Variants in LYZL2 observed in about 807,000 individuals in gnomAD.
The protein encoded by LYZL2 is lysozyme-like protein 2.
A neutral mutation model predicts 17.1 loss-of-function variants in LYZL2; 13 were observed. The observed-to-expected ratio is 0.76, with a 90% confidence interval of 0.49 to 1.21. LYZL2 has a LOEUF of 1.21. Ranked by LOEUF, LYZL2 falls within the 50% of genes most tolerant of loss-of-function variation. The pLI, the probability that LYZL2 is intolerant of heterozygous loss-of-function variation, is 0.00. For synonymous variants in LYZL2, 63 were observed against 74.4 expected, an observed-to-expected ratio of 0.85 and a Z score of 0.79; for missense variants, 166 against 189.2, an observed-to-expected ratio of 0.88 and a Z score of 0.72.
chr10:30,610,257 T>G (rs1232478760), downstream of LYZL2, among the ~76,000 whole-genome samples: 1 of 152,194 alleles, frequency 6.6e-6, no homozygotes, highest in Non-Finnish European at 1.5e-5. Flanking sequence ...CATGGGGAAC[T>G]CTCTGGATGT....
chr10:30,626,117 C>T lies in LYZL2; in HGVS notation c.286G>A (p.Val96Ile), dbSNP rs758022641. The change falls in exon 3 of 5, where the codon GTC (valine) becomes ATC (isoleucine). Residue 96 changes from valine (V) to isoleucine (I), a missense_variant. Coordinates refer to ENST00000647634, the MANE Select transcript of LYZL2 (RefSeq NM_183058.3). ...GKLKENNHCH[V>I]ACSALVTDDL... ...GTCAGAGCCTCACCTGAGCAGGCGA[C>T]GTGGCAGTGGTTGTTCTCCTTCAGC... The T allele has an allele frequency of 9.9e-6, 16 of 1,614,016 alleles. No individual in the cohort carries two copies. The highest frequency in any genetic ancestry group is 2.2e-5 in the South Asian group (2 of 91,060).
downstream of LYZL2, among the ~76,000 whole-genome samples, chr10:30,606,797 C>T (rs929654517): frequency 5.9e-5 from 9 of 152,048 alleles, no homozygotes; most frequent in Non-Finnish European, 5.9e-5. Flanking sequence ...CCTGGAGCTA[C>T]AGTAAGGGCA....
chr10:30,622,369 AC>A (rs1838636530), intron 3 of LYZL2, among the ~76,000 whole-genome samples: 2 of 151,522 alleles, frequency 1.3e-5, no homozygotes, highest in African/African-American at 4.9e-5. Flanking sequence ...ACACAGTGAA[AC>A]CCCATCTCTA....
intron 3 of LYZL2, among the ~76,000 whole-genome samples, chr10:30,613,883 T>G (rs1489191969): frequency 6.6e-6 from 1 of 151,972 alleles, no homozygotes; most frequent in East Asian, 1.9e-4. Context: ...GCCTGACCAT[T>G]TTTTATTTTT....
downstream of LYZL2, among the ~76,000 whole-genome samples, chr10:30,611,579 G>GAA (rs773500925): frequency 1.8e-4 from 19 of 108,430 alleles, 1 homozygote; most frequent in African/African-American, 7.0e-4. Context: ...AGGAAAGAAA[G>GAA]AAAGAAAGAA....
At chr10:30,606,351 C>CTT in the LYZL2 span, among the ~76,000 whole-genome samples, 3,678 of 131,806 alleles carry the variant, frequency 0.028, 175 homozygotes, top group African/African-American at 0.088. Flanking sequence ...ATAATAATTA[C>CTT]TTTTTTTTTT....
At chr10:30,616,069 A>G (rs559780756) in intron 3 of LYZL2, among the ~76,000 whole-genome samples, 15 of 152,376 alleles carry the variant, frequency 9.8e-5, no homozygotes, top group Admixed American at 8.5e-4. Flanking sequence ...TTGCATTTCA[A>G]TAAGGCATTG....
At chr10:30,623,711 C>A (rs1838659700) in intron 3 of LYZL2, among the ~76,000 whole-genome samples, 1 of 152,186 alleles carries the variant, frequency 6.6e-6, no homozygotes, top group African/African-American at 2.4e-5. Context: ...AAGCCCAGGA[C>A]TCCCACTGAT....
chr10:30,618,454 C>T (rs1390953095), intron 3 of LYZL2, among the ~76,000 whole-genome samples: 3 of 152,190 alleles, frequency 2.0e-5, no homozygotes, highest in African/African-American at 7.2e-5. Flanking sequence ...ACCAAAACAG[C>T]ATGGTACTGG....
chr10:30,611,591 G>GAA (rs1490891030), downstream of LYZL2, among the ~76,000 whole-genome samples: 1 of 116,068 alleles, frequency 8.6e-6, no homozygotes, highest in African/African-American at 3.7e-5. Context: ...AAGAAAGAAA[G>GAA]AAAGAAAGAA....
intron 3 of LYZL2, among the ~76,000 whole-genome samples, chr10:30,619,069 T>C (rs1423281974): frequency 6.6e-6 from 1 of 152,098 alleles, no homozygotes; most frequent in East Asian, 1.9e-4. Flanking sequence ...AACAGACACA[T>C]GAAAAAATGC....
In LYZL2 at chr10:30,626,815, G is replaced by T; in HGVS notation, c.101C>A (p.Ala34Asp). ...GAAGCCCCAGTAATTGTCCAGGCCAGCCCTCGAGAATATTTTTGCCAGTTT... is the reference window on the plus strand; with the variant it reads ...GAAGCCCCAGTAATTGTCCAGGCCATCCCTCGAGAATATTTTTGCCAGTTT... ...RCKLAKIFSR[A>D]GLDNYWGFSL... The change falls in exon 2 of 5, where the codon GCT (alanine) becomes GAT (aspartate). Residue 34 changes from alanine to aspartate, a missense_variant. Physicochemically the swap from Ala to Asp is moderately radical, Grantham distance 126 (BLOSUM62 -2). Coordinates refer to ENST00000647634, the MANE Select transcript of LYZL2 (RefSeq NM_183058.3). The T allele has an allele frequency of 1.2e-6, 2 of 1,614,244 alleles. No homozygotes were observed. Among genetic ancestry groups the T allele is most frequent in the East Asian group, 4.5e-5 (2 of 44,892 alleles).
At position 30,626,755 on chromosome 10, in the gene LYZL2, A is replaced by G. The variant is rs753712275; in HGVS notation, c.139+22T>C. ...GGGGAAAGGTCAAGGACAGAAAGAG[A>G]GCAGGAAAGAAATAATCTCACAGTT... is the stretch of plus-strand genomic sequence containing the variant. On this transcript the variant is annotated intron_variant, in intron 2 of 4. Coordinates refer to ENST00000647634, the MANE Select transcript of LYZL2 (RefSeq NM_183058.3). 31 of 1,614,124 alleles carry G rather than the reference A, an allele frequency of 1.9e-5. 1 individual carries two copies. The South Asian group carries it at 3.1e-4, about 16-fold the overall frequency.
rs1222336745 is a variant in LYZL2 at position 30,617,629 on chromosome 10, C to G, written c.299-4729G>C. ...GGCGGAGGTTGCAGTGAGCCGAGAT[C>G]GTGCCACTGCACTTCAGCCTGGGTG... On this transcript the variant is annotated intron_variant, in intron 3 of 4. Coordinates refer to ENST00000647634, the MANE Select transcript of LYZL2 (RefSeq NM_183058.3). Among the ~76,000 whole-genome samples, 8 of 118,124 alleles carry G rather than the reference C, an allele frequency of 6.8e-5. No individual in the cohort carries two copies. In the Admixed American group the frequency reaches 9.4e-4, roughly 14 times the overall value. 77.5% of individuals were successfully genotyped at this position (118,124 alleles called of 152,430 possible).
downstream of LYZL2, chr10:30,611,702 A>AAAAGAAAG (rs374528139): frequency 2.4e-3 from 943 of 391,796 alleles, 25 homozygotes; most frequent in African/African-American, 3.0e-3. Context: ...GAAAGAAAGA[A>AAAAGAAAG]AAAGAAAGAA....
intron 3 of LYZL2, among the ~76,000 whole-genome samples, chr10:30,624,845 G>T (rs939948751): frequency 7.9e-5 from 12 of 152,196 alleles, no homozygotes; most frequent in African/African-American, 2.9e-4. Flanking sequence ...TAGAAGCAGA[G>T]AATCTTGCCC....
chr10:30,621,002 G>A (rs1006164041), intron 3 of LYZL2, among the ~76,000 whole-genome samples: 6 of 152,160 alleles, frequency 3.9e-5, no homozygotes, highest in African/African-American at 9.7e-5. Context: ...CATACATGCC[G>A]TTAGAATTCT....
At chr10:30,620,015 T>G (rs528058983) in intron 3 of LYZL2, among the ~76,000 whole-genome samples, 2 of 152,304 alleles carry the variant, frequency 1.3e-5, no homozygotes, top group East Asian at 3.9e-4. Context: ...TTTTTGTGTT[T>G]GTATTTATCG....
At chr10:30,611,746 A>G (rs1838448253), downstream of LYZL2, 1 of 632,288 alleles carries the variant, frequency 1.6e-6, no homozygotes, top group African/African-American at 2.0e-5. Context: ...GGAAAGAAAG[A>G]AAGAAAGGAA....
Sources: allele counts gnomAD v4.1 joint callset (sites outside exome capture counted in the v4.1 genomes callset), GRCh38; gene constraint gnomAD v4.1.1; transcripts MANE v1.5; gene names NCBI Gene and HGNC (gene_info 2026-07-23, HGNC 2026-07-21).